The following LPP variants were observed in gnomAD, a reference collection of about 807,000 sequenced individuals.
The protein encoded by LPP is lipoma-preferred partner.
LPP carries 38 observed loss-of-function variants against 60.4 expected under a neutral mutation model. The ratio of observed to expected loss-of-function variants is 0.63; its 90% CI spans 0.49 to 0.83. The LOEUF (loss-of-function observed/expected upper bound fraction) is 0.83, where lower values mean the gene tolerates loss of function less well. Among genes scored for constraint, LPP ranks in the 40% least tolerant of loss-of-function variants. The probability of loss-of-function intolerance (pLI) is 0.00; values close to 1 mark genes in which losing one functional copy is unlikely to be tolerated. For synonymous variants in LPP, 328 were observed against 290.8 expected (o/e 1.13, Z -1.30); for missense variants, 902 against 783.6 (o/e 1.15, Z -1.80).
chr3:188,661,216 A>G (rs1306585779), intron 7 of LPP, among the ~76,000 whole-genome samples: 1 of 152,114 alleles, frequency 6.6e-6, no homozygotes, highest in Non-Finnish European at 1.5e-5. Flanking sequence ...ATAGATGTCC[A>G]CAGTTTATTT....
At chr3:188,832,935 A>G (rs1757480063) in intron 9 of LPP, among the ~76,000 whole-genome samples, 1 of 152,182 alleles carries the variant, frequency 6.6e-6, no homozygotes, top group African/African-American at 2.4e-5. Flanking sequence ...CTGGAGGAAA[A>G]TGTATCTGGC....
At chr3:188,602,176 T>TAA (rs1491164275) in intron 6 of LPP, among the ~76,000 whole-genome samples, 2,503 of 98,762 alleles carry the variant, frequency 0.025, 169 homozygotes, top group African/African-American at 0.067. Flanking sequence ...TATATATATA[T>TAA]TATATATATA....
At position 188,876,124 on chromosome 3, in the gene LPP, G is replaced by C. The variant is rs1166448244; in HGVS notation, c.*1645G>C. On this transcript the variant is annotated 3_prime_UTR_variant, in exon 12 of 12. Coordinates refer to ENST00000617246, the MANE Select transcript of LPP (RefSeq NM_001375462.1). Reference sequence around the variant, plus strand: ...TTTCATTATTGTGAAGTGATGTTCAGATTTCTAGTTTTTTTTCTAGTTTTT... The same window carrying C: ...TTTCATTATTGTGAAGTGATGTTCACATTTCTAGTTTTTTTTCTAGTTTTT... 1 of 189,502 alleles carries C rather than the reference G, an allele frequency of 5.3e-6. No homozygotes were observed. The highest frequency in any genetic ancestry group is 1.1e-5 in the Non-Finnish European group (1 of 90,004). 11.7% of individuals were successfully genotyped at this position (189,502 alleles called of 1,614,324 possible). A position where few individuals can be genotyped will look rare whatever the true frequency, so the allele number is the denominator to read the frequency against.
chr3:188,781,719 TAA>T (rs1280975477), intron 9 of LPP, among the ~76,000 whole-genome samples: 1 of 140,834 alleles, frequency 7.1e-6, no homozygotes, highest in Non-Finnish European at 1.6e-5. Context: ...CCATCTCTAC[TAA>T]AAAAAAAAAA....
chr3:188,509,870 G>GTCGTTTTTTTTT (rs1560498059), intron 5 of LPP, among the ~76,000 whole-genome samples: 1 of 44,156 alleles, frequency 2.3e-5, no homozygotes. Flanking sequence ...TTTTTTTTTT[G>GTCGTTTTTTTTT]TTGTTTTTTT....
chr3:188,242,415 G>GA (rs1171332848), intron 2 of LPP, among the ~76,000 whole-genome samples: 39 of 149,684 alleles, frequency 2.6e-4, no homozygotes, highest in African/African-American at 7.4e-4. Flanking sequence ...AAAGAAGAAG[G>GA]AAAAAAAAAC....
intron 6 of LPP, among the ~76,000 whole-genome samples, chr3:188,577,752 C>CCTTT (rs772131875): frequency 7.0e-5 from 8 of 115,040 alleles, no homozygotes; most frequent in East Asian, 2.8e-4. Context: ...TTTGTTCCTT[C>CCTTT]GTTCCTTCGT....
chr3:188,177,200 G>A (rs376604982), intron 1 of LPP, among the ~76,000 whole-genome samples: 4 of 152,218 alleles, frequency 2.6e-5, no homozygotes, highest in Admixed American at 2.6e-4. Context: ...GGGTGGGCCA[G>A]CCCAGCGAGG....
intron 9 of LPP, among the ~76,000 whole-genome samples, chr3:188,826,987 A>T (rs138547126): frequency 6.6e-6 from 1 of 152,188 alleles, no homozygotes; most frequent in Admixed American, 6.5e-5. Flanking sequence ...ATAATGAAAA[A>T]GTAAATGAAT....
At chr3:188,640,516 A>T (rs1410226740) in intron 7 of LPP, among the ~76,000 whole-genome samples, 1 of 131,018 alleles carries the variant, frequency 7.6e-6, no homozygotes, top group Non-Finnish European at 1.6e-5. Flanking sequence ...CTTAAAGTAT[A>T]ATAATAATAA....
chr3:188,680,153 G>A (rs1312809533), intron 7 of LPP, among the ~76,000 whole-genome samples: 1 of 152,024 alleles, frequency 6.6e-6, no homozygotes, highest in Admixed American at 6.6e-5. Flanking sequence ...TTTCTTCTCC[G>A]TTCTCTTTCT....
intron 3 of LPP, among the ~76,000 whole-genome samples, chr3:188,402,589 G>A (rs566470581): frequency 3.3e-5 from 5 of 152,344 alleles, no homozygotes; most frequent in African/African-American, 1.2e-4. Flanking sequence ...GAAGATAAAA[G>A]AGATGATTGT....
At chr3:188,800,212 T>C (rs56284105) in intron 9 of LPP, among the ~76,000 whole-genome samples, 14,221 of 143,578 alleles carry the variant, frequency 0.099, 858 homozygotes, top group Non-Finnish European at 0.14. Context: ...GCAAATATCT[T>C]TGTGCAATTA....
At chr3:188,644,255 G>A (rs1241907289) in intron 7 of LPP, among the ~76,000 whole-genome samples, 1 of 152,154 alleles carries the variant, frequency 6.6e-6, no homozygotes, top group African/African-American at 2.4e-5. Flanking sequence ...CCCTGGGAAT[G>A]TACTTCACAA....
At chr3:188,293,182 C>T (rs1414812610) in intron 2 of LPP, among the ~76,000 whole-genome samples, 3 of 152,138 alleles carry the variant, frequency 2.0e-5, no homozygotes, top group Non-Finnish European at 2.9e-5. Flanking sequence ...ATAATGGTGG[C>T]GCACAGCACA....
chr3:188,643,528 A>C (rs1034986420), intron 7 of LPP, among the ~76,000 whole-genome samples: 6 of 152,248 alleles, frequency 3.9e-5, no homozygotes, highest in African/African-American at 1.4e-4. Context: ...TACTCTTACA[A>C]GAAGTGAAGT....
At chr3:188,695,578 G>A (rs987823035) in intron 7 of LPP, among the ~76,000 whole-genome samples, 5 of 152,178 alleles carry the variant, frequency 3.3e-5, no homozygotes, top group African/African-American at 9.7e-5. Context: ...TCAGATGAAG[G>A]CATCTACCCA....
In LPP at chr3:188,881,868, G is replaced by T; in HGVS notation, c.*7389G>T. On this transcript the variant is annotated 3_prime_UTR_variant, in exon 12 of 12. Coordinates refer to ENST00000617246, the MANE Select transcript of LPP (RefSeq NM_001375462.1). ...CTTTACAGGTTATACATAAATATTT[G>T]CTGGTTGATTGATTTCGAGATTCAT... The T allele has an allele frequency of 4.6e-6, 1 of 215,272 alleles. No homozygotes were observed. The highest frequency in any genetic ancestry group is 9.4e-6 in the Non-Finnish European group (1 of 106,748). The allele number at this position is 215,272 out of a possible 1,614,324, so 13.3% of individuals were successfully genotyped here. A position where few individuals can be genotyped will look rare whatever the true frequency, so the allele number is the denominator to read the frequency against.
At chr3:188,824,433 A>G (rs753734860) in intron 9 of LPP, among the ~76,000 whole-genome samples, 2 of 152,198 alleles carry the variant, frequency 1.3e-5, no homozygotes, top group Admixed American at 1.3e-4. Flanking sequence ...CTCAAGAACC[A>G]TTTATGGCTA....
Sources: allele counts gnomAD v4.1 joint callset (sites outside exome capture counted in the v4.1 genomes callset), GRCh38; gene constraint gnomAD v4.1.1; transcripts MANE v1.5; gene names NCBI Gene and HGNC (gene_info 2026-07-23, HGNC 2026-07-21).